The following LAMC3 variants were observed in gnomAD, a reference collection of about 807,000 sequenced individuals.
LAMC3 encodes laminin subunit gamma-3.
In LAMC3, 128 loss-of-function variants were observed where a neutral mutation model predicts 173.8. That is an observed-to-expected ratio of 0.74 (90% CI 0.64 to 0.85). The LOEUF (loss-of-function observed/expected upper bound fraction) is 0.85. Among genes scored for constraint, LAMC3 ranks in the 40% least tolerant of loss-of-function variants. LAMC3 has a pLI of 0.00. For missense variants in LAMC3, 2,022 were observed against 2,156.0 expected, an observed-to-expected ratio of 0.94 and a Z score of 1.23; for synonymous variants, 897 against 909.1, an observed-to-expected ratio of 0.99 and a Z score of 0.24.
intron 13 of LAMC3, among the ~76,000 whole-genome samples, chr9:131,064,831 A>G (rs1456938905): frequency 6.6e-6 from 1 of 152,100 alleles, no homozygotes; most frequent in African/African-American, 2.4e-5. Context: ...ACCTGAGGTC[A>G]GGAGTTCCAG....
chr9:131,079,379 AG>A, intron 23 of LAMC3, 81 bp downstream of exon 23: 1 of 1,543,372 alleles, frequency 6.5e-7, no homozygotes, highest in Non-Finnish European at 8.9e-7. Context: ...GGGTTGCAGG[AG>A]GGAGAAGGGC....
intron 4 of LAMC3, 89 bp from the exon 5 acceptor site, chr9:131,038,775 C>T (rs904143827): frequency 8.9e-6 from 12 of 1,344,226 alleles, no homozygotes; most frequent in African/African-American, 8.6e-5. Flanking sequence ...ACTGCCTGCT[C>T]ATTTAGCACA....
intron 7 of LAMC3, 100 bp downstream of exon 7, chr9:131,041,835 G>A: frequency 1.0e-6 from 1 of 1,000,554 alleles, no homozygotes; most frequent in Non-Finnish European, 1.5e-6. Context: ...AAGGGGCACG[G>A]TCTTCATGGA....
intron 8 of LAMC3, among the ~76,000 whole-genome samples, chr9:131,046,401 G>T (rs1285805474): frequency 6.7e-6 from 1 of 149,822 alleles, no homozygotes; most frequent in Non-Finnish European, 1.5e-5. Context: ...ACAGGGTTTT[G>T]CCATGTCTTT....
At chr9:131,017,756 T>G (rs1833550958) in intron 1 of LAMC3, among the ~76,000 whole-genome samples, 1 of 123,260 alleles carries the variant, frequency 8.1e-6, no homozygotes, top group African/African-American at 3.2e-5. Context: ...CCAGGTGCAG[T>G]AGTTCACACC....
chr9:131,030,711 T>G (rs1833809144), intron 2 of LAMC3, among the ~76,000 whole-genome samples: 2 of 152,206 alleles, frequency 1.3e-5, no homozygotes, highest in Admixed American at 1.3e-4. Context: ...TGGTATCCAG[T>G]TGGTTTGAGT....
chr9:131,059,490 CAAAAAAAAAAAA>C lies in LAMC3; in HGVS notation c.2159-1527_2159-1516del, dbSNP rs58064050. ...CTGGGCGACAGAGCGGACTCCGTCT[CAAAAAAAAAAAA>C]AAAAAAAAAAAAAAAAAGACGTCAG... On this transcript the variant is annotated intron_variant, in intron 12 of 27. Coordinates refer to ENST00000361069, the MANE Select transcript of LAMC3 (RefSeq NM_006059.4). Among the ~76,000 whole-genome samples, 33 of 64,404 alleles carry C rather than the reference CAAAAAAAAAAAA, an allele frequency of 5.1e-4. 2 individuals carry two copies. The South Asian group carries it at 0.026, about 51-fold the overall frequency. 42.3% of individuals were successfully genotyped at this position (64,404 alleles called of 152,430 possible). A position where few individuals can be genotyped will look rare whatever the true frequency, so the allele number is the denominator to read the frequency against.
chr9:131,070,994 C>T (rs530181461), intron 17 of LAMC3, among the ~76,000 whole-genome samples: 51 of 152,234 alleles, frequency 3.4e-4, no homozygotes, highest in African/African-American at 1.1e-3. Flanking sequence ...TCACTTAGAG[C>T]GGTGACAGGA....
In LAMC3 at chr9:131,009,597, G is replaced by T. The variant is rs750891379; in HGVS notation, c.373+10G>T. 4 of 1,565,520 alleles carry T rather than the reference G, an allele frequency of 2.6e-6. No individual in the cohort carries two copies. The highest frequency in any genetic ancestry group is 3.5e-6 in the Non-Finnish European group (4 of 1,156,856). On this transcript the variant is annotated intron_variant, in intron 1 of 27. Transcript: ENST00000361069. This position sits in a 1 kb window ranked among gnomAD's most constrained non-coding sequence, Gnocchi z 4.3. ...ATCACCCTCCGCCTAGGTAAGCGCG[G>T]GCTGGGGGCACCGCCACCGCACCCC... is the stretch of plus-strand genomic sequence containing the variant.
At chr9:131,089,000 G>A (rs1485707584) in intron 27 of LAMC3, among the ~76,000 whole-genome samples, 1 of 151,976 alleles carries the variant, frequency 6.6e-6, no homozygotes, top group African/African-American at 2.4e-5. Context: ...CAGGAGAATC[G>A]CTTGAACCTG....
intron 22 of LAMC3, 148 bp from the exon 23 acceptor site, chr9:131,079,001 T>C (rs1252747735): frequency 4.2e-6 from 4 of 957,124 alleles, no homozygotes; most frequent in Non-Finnish European, 6.4e-6. Context: ...TCAGCTAGGC[T>C]CACCAGGTTT....
chr9:131,061,912 G>A (rs534072600), intron 13 of LAMC3, among the ~76,000 whole-genome samples: 1 of 152,062 alleles, frequency 6.6e-6, no homozygotes, highest in African/African-American at 2.4e-5. Flanking sequence ...TTAGCTGGGT[G>A]TGGTGGCATG....
chr9:131,069,100 G>T, intron 16 of LAMC3, 50 bp downstream of exon 16: 1 of 1,601,260 alleles, frequency 6.2e-7, no homozygotes, highest in Non-Finnish European at 8.5e-7. Context: ...GGGCCCGAGG[G>T]TCTCTGGGCA....
At chr9:131,087,966 A>T in intron 27 of LAMC3, 149 bp downstream of exon 27, 3 of 739,808 alleles carry the variant, frequency 4.1e-6, no homozygotes, top group Non-Finnish European at 7.1e-6. Flanking sequence ...AATCACAAGC[A>T]TTTATAACCA....
chr9:131,083,781 A>G (rs1235028981), intron 24 of LAMC3, among the ~76,000 whole-genome samples: 1 of 152,070 alleles, frequency 6.6e-6, no homozygotes, highest in African/African-American at 2.4e-5. Context: ...TGGATGGAAC[A>G]ATTCTATAAT....
Position 131,039,085 on chromosome 9 carries a change from C to T in LAMC3, c.1165+33C>T, listed in dbSNP as rs759141567. The stretch of plus-strand genomic sequence containing the variant: ...GACTCCACATCCCCAGCCTCCGACC[C>T]TCTCCCTTTCCTGGCCTCAATTGCC... On this transcript the variant is annotated intron_variant, in intron 5 of 27. Coordinates refer to ENST00000361069, the MANE Select transcript of LAMC3 (RefSeq NM_006059.4). 8 of 1,612,328 alleles carry T rather than the reference C, an allele frequency of 5.0e-6. No homozygotes were observed. In the South Asian group the frequency reaches 7.7e-5, roughly 15 times the overall value.
chr9:131,082,193 T>C, intron 24 of LAMC3, 32 bp downstream of exon 24: 1 of 1,536,566 alleles, frequency 6.5e-7, no homozygotes, highest in Non-Finnish European at 9.0e-7. Context: ...CTAGGCTGTG[T>C]AATGACGAAC....
chr9:131,058,946 C>G (rs1829748272), intron 12 of LAMC3, among the ~76,000 whole-genome samples: 1 of 151,678 alleles, frequency 6.6e-6, no homozygotes, highest in Admixed American at 6.6e-5. Flanking sequence ...GCCTGTAATC[C>G]CAGCACTTTG....
In LAMC3 at chr9:131,087,805, C is replaced by T. The variant is rs765450550; in HGVS notation, c.4465C>T (p.Leu1489Phe). The T allele has an allele frequency of 1.2e-6, 2 of 1,613,992 alleles. No homozygotes were observed. Among genetic ancestry groups the T allele is most frequent in the Admixed American group, 1.7e-5 (1 of 60,030 alleles). Residue 1489 changes from leucine (L) to phenylalanine (F), a missense_variant, in exon 27 of 28, where the codon CTT becomes TTT. Leu to Phe is a conservative substitution (Grantham distance 22). Coordinates refer to ENST00000361069, the MANE Select transcript of LAMC3 (RefSeq NM_006059.4). ...EKDIETLSEL[L>F]ARLGSLDTHQ... ...GGACATCGAGACCTTGTCAGAGCTG[C>T]TTGCCAGGCTGGGTAAGGAGGCCCT...
Sources: gnomAD v4.1 joint callset for allele counts (sites outside exome capture counted in the v4.1 genomes callset) on GRCh38, gnomAD v4.1.1 for gene constraint, Gnocchi (gnomAD v3.1) non-coding constraint, MANE v1.5 for transcripts, NCBI Gene and HGNC (gene_info 2026-07-23, HGNC 2026-07-21) for gene names.